The following EDEM1 variants were observed in gnomAD, a reference collection of about 807,000 sequenced individuals.
EDEM1 encodes ER degradation-enhancing alpha-mannosidase-like protein 1.
Under a neutral mutation model 74.4 loss-of-function variants are expected in EDEM1, and 67 were observed. The observed-to-expected ratio is 0.90, with a 90% CI of 0.74 to 1.10. The LOEUF is 1.10. Ranked by LOEUF, EDEM1 falls within the 50% of genes least tolerant of loss-of-function variation. The probability of loss-of-function intolerance (pLI) is 0.00; values close to 1 mark genes in which losing one functional copy is unlikely to be tolerated. For synonymous variants in EDEM1, 382 were observed against 335.9 expected (o/e 1.14, Z -1.50); for missense variants, 926 against 851.6 (o/e 1.09, Z -1.09).
Position 5,199,609 on chromosome 3 carries a change from C to T in EDEM1, c.600C>T (p.Ser200=), listed in dbSNP as rs770123505. Reference sequence around the variant, plus strand: ...TTTTAAAGATAATGGGAAATTCATCCGAGTTCCAGAAAGCCGTCAAGTTAG... The same window carrying T: ...TTTTAAAGATAATGGGAAATTCATCTGAGTTCCAGAAAGCCGTCAAGTTAG... The part of the protein sequence containing the change: ...LDTLAIMGNS[S]EFQKAVKLVI... The change falls in exon 3 of 12, where the codon TCC becomes TCT. Residue 200 remains serine (S), a synonymous_variant. Coordinates refer to ENST00000256497, the MANE Select transcript of EDEM1 (RefSeq NM_014674.3). 60 of 1,612,366 alleles carry T rather than the reference C, an allele frequency of 3.7e-5. No individual in the cohort carries two copies. The highest frequency in any genetic ancestry group is 4.5e-5 in the East Asian group (2 of 44,864).
At chr3:5,200,516 T>A (rs1225098240) in intron 3 of EDEM1, among the ~76,000 whole-genome samples, 1 of 152,254 alleles carries the variant, frequency 6.6e-6, no homozygotes, top group Admixed American at 6.5e-5. Context: ...GTATACCTAG[T>A]ATATTGTATA....
intron 9 of EDEM1, 100 bp downstream of exon 9, chr3:5,210,348 C>T (rs1250831375): frequency 1.8e-6 from 2 of 1,138,524 alleles, no homozygotes; most frequent in Non-Finnish European, 2.6e-6. Flanking sequence ...TTTATAGAAC[C>T]AGGTCATTAA....
intron 6 of EDEM1, among the ~76,000 whole-genome samples, chr3:5,205,673 C>G (rs1319824660): frequency 6.6e-6 from 1 of 152,238 alleles, no homozygotes; most frequent in African/African-American, 2.4e-5. Context: ...GGGCTCAGTT[C>G]TTTGCCAAGG....
At chr3:5,214,255 G>A (rs773640536) in intron 11 of EDEM1, among the ~76,000 whole-genome samples, 85 of 152,218 alleles carry the variant, frequency 5.6e-4, no homozygotes, top group Admixed American at 6.5e-5. Context: ...ATGTAGGTCA[G>A]TCAAAATTTC....
intron 2 of EDEM1, 32 bp downstream of exon 2, chr3:5,195,313 T>C (rs755637567): frequency 7.1e-7 from 1 of 1,416,690 alleles, no homozygotes; most frequent in South Asian, 1.4e-5. Flanking sequence ...AAAAAATGAA[T>C]TAAGATGTTT....
intron 6 of EDEM1, 121 bp from the exon 7 acceptor site, chr3:5,207,032 G>T (rs2055106031): frequency 3.0e-6 from 4 of 1,354,540 alleles, no homozygotes; most frequent in Non-Finnish European, 4.0e-6. Flanking sequence ...TTTAAGGAAT[G>T]AGTTAGGAGA....
chr3:5,195,422 A>T, intron 2 of EDEM1, 141 bp downstream of exon 2: 1 of 432,112 alleles, frequency 2.3e-6, no homozygotes, highest in Non-Finnish European at 4.0e-6. Context: ...ATTTATTTTA[A>T]TGACCTTAAT....
Position 5,213,418 on chromosome 3 carries a change from C to A in EDEM1, c.1780C>A (p.Pro594Thr). 6.2e-7 allele frequency: 1 copy of A among 1,614,092 alleles called. No homozygotes were observed. The highest frequency in any genetic ancestry group is 8.5e-7 in the Non-Finnish European group (1 of 1,180,010). Residue 594 changes from proline to threonine, a missense_variant, in exon 11 of 12, where the codon CCA (proline) becomes ACA (threonine). Pro to Thr is a conservative substitution (Grantham distance 38). Coordinates refer to ENST00000256497, the MANE Select transcript of EDEM1 (RefSeq NM_014674.3). ...VSVDEHLREL[P>T]WKEFFSEEGG... ...TGTGGATGAGCATCTTCGGGAATTG[C>A]CATGGAAGGAATTCTTCTCTGAAGA...
chr3:5,207,713 G>T (rs182642172), intron 7 of EDEM1, among the ~76,000 whole-genome samples: 1 of 152,086 alleles, frequency 6.6e-6, no homozygotes, highest in Non-Finnish European at 1.5e-5. Context: ...TCACTGTGTT[G>T]TCCAGGCTGG....
At chr3:5,206,210 C>CT (rs762318338) in intron 6 of EDEM1, among the ~76,000 whole-genome samples, 3,958 of 140,024 alleles carry the variant, frequency 0.028, 54 homozygotes, top group Non-Finnish European at 0.038. Context: ...CCAGATCTTT[C>CT]TTTTTTTTTT....
At chr3:5,198,050 G>A (rs577711615) in intron 2 of EDEM1, among the ~76,000 whole-genome samples, 2 of 151,476 alleles carry the variant, frequency 1.3e-5, no homozygotes, top group East Asian at 1.9e-4. Context: ...CATTTTTTTT[G>A]TCTTTTTTTT....
chr3:5,207,959 G>T, intron 7 of EDEM1, 134 bp from the exon 8 acceptor site: 2 of 1,057,078 alleles, frequency 1.9e-6, no homozygotes, highest in Non-Finnish European at 2.6e-6. Flanking sequence ...CTTTTGGGTT[G>T]GTTTTGTCTT....
intron 10 of EDEM1, among the ~76,000 whole-genome samples, chr3:5,211,858 T>G (rs756720768): frequency 2.0e-5 from 3 of 152,206 alleles, no homozygotes; most frequent in Admixed American, 6.5e-5. Context: ...CCTGACTCCC[T>G]GTCTGGTGCT....
Position 5,203,157 on chromosome 3 carries a change from A to T in EDEM1, c.1042+8A>T. ...ATGATACAGGATTACTAGGTGTGGC[A>T]CCTTTCCTCGCCATTGGGACTGCAC... On this transcript the variant is annotated splice_region_variant and intron_variant, in intron 5 of 11. Transcript: ENST00000256497. 6.4e-7 allele frequency: 1 copy of T among 1,552,772 alleles called. No individual in the cohort carries two copies. Among genetic ancestry groups the T allele is most frequent in the South Asian group, 1.2e-5 (1 of 80,712 alleles).
chr3:5,205,561 C>G (rs1455143771), intron 6 of EDEM1, among the ~76,000 whole-genome samples: 1 of 152,240 alleles, frequency 6.6e-6, no homozygotes, highest in Non-Finnish European at 1.5e-5. Context: ...AGCTGGTGGC[C>G]AGGGCCACAG....
chr3:5,192,017 A>G (rs796677475), intron 1 of EDEM1, among the ~76,000 whole-genome samples: 4 of 152,306 alleles, frequency 2.6e-5, no homozygotes, highest in African/African-American at 9.6e-5. Context: ...TGGCCCCTCA[A>G]ATGCTTAGGT....
Position 5,203,098 on chromosome 3 carries a change from C to G in EDEM1, c.991C>G (p.Arg331Gly), listed in dbSNP as rs755241828. The change falls in exon 5 of 12, where the codon CGA becomes GGA. Residue 331 changes from arginine (R) to glycine (G), a missense_variant. Transcript: ENST00000256497. ...CTCCACATTTGAGTGGGTGGCCAGA[C>G]GAGCAGTGAAAGCCCTTTGGAACCT... ...GDSTFEWVAR[R>G]AVKALWNLRS... 5 of 1,609,860 alleles carry G rather than the reference C, an allele frequency of 3.1e-6. No individual in the cohort carries two copies. Among genetic ancestry groups the G allele is most frequent in the African/African-American group, 1.3e-5 (1 of 74,842 alleles).
intron 11 of EDEM1, among the ~76,000 whole-genome samples, chr3:5,215,124 G>C (rs540593456): frequency 9.9e-5 from 15 of 152,234 alleles, no homozygotes; most frequent in African/African-American, 3.4e-4. Context: ...TCTTGATCTT[G>C]CCAGGGATGA....
At chr3:5,196,285 C>T (rs1398438141) in intron 2 of EDEM1, among the ~76,000 whole-genome samples, 4 of 152,104 alleles carry the variant, frequency 2.6e-5, no homozygotes, top group Admixed American at 2.0e-4. Context: ...GGTGAAACCC[C>T]TTCTCTACTA....
Sources: gnomAD v4.1 joint callset for allele counts (sites outside exome capture counted in the v4.1 genomes callset) on GRCh38, gnomAD v4.1.1 for gene constraint, MANE v1.5 for transcripts, NCBI Gene and HGNC (gene_info 2026-07-23, HGNC 2026-07-21) for gene names.